The following NUDT14 variants were observed in gnomAD, a reference collection of about 807,000 sequenced individuals.
The protein encoded by NUDT14 is uridine diphosphate glucose pyrophosphatase NUDT14.
NUDT14 carries 22 observed loss-of-function variants against 17.5 expected under a neutral mutation model. That is an observed-to-expected ratio of 1.26 (90% CI 0.90 to 1.80). NUDT14 has a LOEUF of 1.80. Among genes scored for constraint, NUDT14 ranks in the 40% most tolerant of loss-of-function variants. The probability of loss-of-function intolerance (pLI) is 0.00; values close to 1 mark genes in which losing one functional copy is unlikely to be tolerated. For synonymous variants in NUDT14, 129 were observed against 125.8 expected, an observed-to-expected ratio of 1.03 and a Z score of -0.17; for missense variants, 296 against 295.6, an observed-to-expected ratio of 1.00 and a Z score of -0.01.
At position 105,176,957 on chromosome 14, in the gene NUDT14, C is replaced by A; in HGVS notation, c.190+6G>T. 1 of 1,611,438 alleles carries A rather than the reference C, an allele frequency of 6.2e-7. No homozygotes were observed. Among genetic ancestry groups the A allele is most frequent in the Non-Finnish European group, 8.5e-7 (1 of 1,179,410 alleles). ...CAGATCCCCTTCCCACCCCAGCTGGCCTCACCTGGCCGGAACTGCTTCACC... is the reference window on the plus strand; with the variant it reads ...CAGATCCCCTTCCCACCCCAGCTGGACTCACCTGGCCGGAACTGCTTCACC... On this transcript the variant is annotated splice_donor_region_variant and intron_variant, in intron 3 of 4. Coordinates refer to ENST00000392568, the MANE Select transcript of NUDT14 (RefSeq NM_177533.5).
Position 105,173,297 on chromosome 14 carries a change from G to C in NUDT14, c.429-36C>G, listed in dbSNP as rs755100726. The C allele has an allele frequency of 6.8e-7, 1 of 1,460,764 alleles. No homozygotes were observed. Among genetic ancestry groups the C allele is most frequent in the Non-Finnish European group, 9.0e-7 (1 of 1,106,610 alleles). The allele number at this position is 1,460,764 out of a possible 1,614,324, so 90.5% of individuals were successfully genotyped here. On this transcript the variant is annotated intron_variant, in intron 4 of 4. Transcript: ENST00000392568. This position sits in a 1 kb window ranked among gnomAD's most constrained non-coding sequence, Gnocchi z 4.7. ...AGACAGGGTCTGCTGAGTCACCCACGCTGGCCCCGCTGGCCCCCTGGCCCT... is the reference window on the plus strand; with the variant it reads ...AGACAGGGTCTGCTGAGTCACCCACCCTGGCCCCGCTGGCCCCCTGGCCCT...
chr14:105,178,387 C>T (rs1889261926), intron 1 of NUDT14, among the ~76,000 whole-genome samples: 1 of 152,138 alleles, frequency 6.6e-6, no homozygotes, highest in Admixed American at 6.5e-5. Flanking sequence ...GGCCTCGACT[C>T]TCCCACATAC....
chr14:105,181,009 G>C lies in NUDT14; in HGVS notation c.81+120C>G, dbSNP rs908095027. On this transcript the variant is annotated intron_variant, in intron 1 of 4. Coordinates refer to ENST00000392568, the MANE Select transcript of NUDT14 (RefSeq NM_177533.5). The surrounding 1 kb of genome is among the most constrained non-coding windows in gnomAD (Gnocchi z 5.0). ...CGGACAAGCGGCCGCCCGGGAGATCGGCGGGAGGCGGGGGCGGGGCTCCGG... is the reference window on the plus strand; with the variant it reads ...CGGACAAGCGGCCGCCCGGGAGATCCGCGGGAGGCGGGGGCGGGGCTCCGG... 2 of 265,354 alleles carry C rather than the reference G, an allele frequency of 7.5e-6. No individual in the cohort carries two copies. The highest frequency in any genetic ancestry group is 2.3e-5 in the African/African-American group (1 of 43,788). 16.4% of individuals were successfully genotyped at this position (265,354 alleles called of 1,614,324 possible).
At chr14:105,178,697 G>A (rs1176769094) in intron 1 of NUDT14, among the ~76,000 whole-genome samples, 3 of 152,234 alleles carry the variant, frequency 2.0e-5, no homozygotes, top group Non-Finnish European at 4.4e-5. Context: ...GCCCAGGGCT[G>A]TGAAATGGAC....
At chr14:105,178,548 G>T in intron 1 of NUDT14, among the ~76,000 whole-genome samples, 1 of 152,176 alleles carries the variant, frequency 6.6e-6, no homozygotes, top group South Asian at 2.1e-4. Flanking sequence ...GCTGGGGGAG[G>T]CTGGAACTGA....
rs1190769132 is a variant in NUDT14, at chr14:105,176,697, G to C, written c.265C>G (p.Leu89Val). Residue 89 changes from leucine to valine, a missense_variant, in exon 4 of 5, where the codon CTA becomes GTA. Leu to Val is a conservative substitution (Grantham distance 32). Coordinates refer to ENST00000392568, the MANE Select transcript of NUDT14 (RefSeq NM_177533.5). Reference protein sequence around the residue: ...AAVDQDGPRELQPALPGSAGV... With the variant: ...AAVDQDGPREVQPALPGSAGV... ...GCTGAGCCGGGCAGGGCTGGCTGTA[G>C]CTCCCGAGGCCCGTCCTGGTCTACA... 6.2e-7 allele frequency: 1 copy of C among 1,612,782 alleles called. No individual in the cohort carries two copies. Among genetic ancestry groups the C allele is most frequent in the East Asian group, 2.2e-5 (1 of 44,886 alleles).
At position 105,172,995 on chromosome 14, in the gene NUDT14, T is replaced by G; in HGVS notation, c.*26A>C. The G allele has an allele frequency of 6.8e-7, 1 of 1,477,668 alleles. No individual in the cohort carries two copies. Among genetic ancestry groups the G allele is most frequent in the Non-Finnish European group, 9.0e-7 (1 of 1,115,086 alleles). 91.5% of individuals were successfully genotyped at this position (1,477,668 alleles called of 1,614,324 possible). The stretch of plus-strand genomic sequence containing the variant: ...GGGGTGTGGGGTGAGTGGCCAAGAC[T>G]GGCCTCTGTCTAGAACCCTGGAGTC... On this transcript the variant is annotated 3_prime_UTR_variant, in exon 5 of 5. Coordinates refer to ENST00000392568, the MANE Select transcript of NUDT14 (RefSeq NM_177533.5).
intron 4 of NUDT14, chr14:105,176,069 G>C: frequency 8.9e-7 from 1 of 1,123,508 alleles, no homozygotes; most frequent in Non-Finnish European, 1.1e-6. Context: ...CGCGGGGCAA[G>C]AGTTGGTGCC....
In NUDT14 at chr14:105,176,653, C is replaced by T; in HGVS notation, c.309G>A (p.Leu103=). The T allele has an allele frequency of 6.2e-7, 1 of 1,612,814 alleles. No homozygotes were observed. Residue 103 remains leucine (L), a synonymous_variant, in exon 4 of 5, where the codon CTG becomes CTA. Transcript: ENST00000392568. The part of the protein sequence containing the change: ...LPGSAGVTVE[L]CAGLVDQPGL... Reference sequence around the variant, plus strand: ...CAGGCTGGTCCACGAGGCCGGCACACAGCTCAACTGTCACCCCCGCTGAGC... The same window carrying T: ...CAGGCTGGTCCACGAGGCCGGCACATAGCTCAACTGTCACCCCCGCTGAGC...
chr14:105,176,312 C>T (rs979404170), intron 4 of NUDT14: 38 of 595,242 alleles, frequency 6.4e-5, no homozygotes, highest in East Asian at 8.8e-5. Flanking sequence ...AGCTGGGGGC[C>T]GCAGGCTGGG....
At position 105,173,182 on chromosome 14, in the gene NUDT14, C is replaced by G; in HGVS notation, c.508G>C (p.Gly170Arg). 1 of 1,611,046 alleles carries G rather than the reference C, an allele frequency of 6.2e-7. No homozygotes were observed. The highest frequency in any genetic ancestry group is 8.5e-7 in the Non-Finnish European group (1 of 1,179,228). The change falls in exon 5 of 5, where the codon GGG becomes CGG. Residue 170 changes from glycine to arginine, a missense_variant. By Grantham distance (125) the Gly-to-Arg change is moderately radical. Coordinates refer to ENST00000392568, the MANE Select transcript of NUDT14 (RefSeq NM_177533.5). This position sits in a 1 kb window ranked among gnomAD's most constrained non-coding sequence, Gnocchi z 4.7. Reference sequence around the variant, plus strand: ...AGCTCACCCTCCTCCACCAGGCCCCCACCTGGACCGCTACGCTGGGCATCT... The same window carrying G: ...AGCTCACCCTCCTCCACCAGGCCCCGACCTGGACCGCTACGCTGGGCATCT... ...VTDAQRSGPG[G>R]GLVEEGELIE...
chr14:105,172,985 T>G lies in NUDT14; in HGVS notation c.*36A>C. ...TGGGGTCCGCGGGGTGTGGGGTGAG[T>G]GGCCAAGACTGGCCTCTGTCTAGAA... On this transcript the variant is annotated 3_prime_UTR_variant, in exon 5 of 5. Coordinates refer to ENST00000392568, the MANE Select transcript of NUDT14 (RefSeq NM_177533.5). 2.1e-6 allele frequency: 3 copies of G among 1,455,482 alleles called. No homozygotes were observed. The highest frequency in any genetic ancestry group is 2.7e-6 in the Non-Finnish European group (3 of 1,103,132). The allele number at this position is 1,455,482 out of a possible 1,614,324, so 90.2% of individuals were successfully genotyped here. A position where few individuals can be genotyped will look rare whatever the true frequency, so the allele number is the denominator to read the frequency against.
chr14:105,173,449 G>A lies in NUDT14; in HGVS notation c.429-188C>T, dbSNP rs1467509021. Reference sequence around the variant, plus strand: ...CACGCCCGTGGCCCCTCCCGCAGCAGGGCATCCCTTCCCTGATCACGTTGT... The same window carrying A: ...CACGCCCGTGGCCCCTCCCGCAGCAAGGCATCCCTTCCCTGATCACGTTGT... On this transcript the variant is annotated intron_variant, in intron 4 of 4. Coordinates refer to ENST00000392568, the MANE Select transcript of NUDT14 (RefSeq NM_177533.5). The surrounding 1 kb of genome is among the most constrained non-coding windows in gnomAD (Gnocchi z 4.7). The A allele has an allele frequency of 3.9e-6, 2 of 507,574 alleles. No homozygotes were observed. Among genetic ancestry groups the A allele is most frequent in the Non-Finnish European group, 6.4e-6 (2 of 313,260 alleles). The allele number at this position is 507,574 out of a possible 1,614,324, so 31.4% of individuals were successfully genotyped here. A position where few individuals can be genotyped will look rare whatever the true frequency, so the allele number is the denominator to read the frequency against.
rs1179683706 is a variant in NUDT14 at position 105,177,778 on chromosome 14, GGA to G, written c.82-45_82-44del. On this transcript the variant is annotated intron_variant, in intron 1 of 4. Coordinates refer to ENST00000392568, the MANE Select transcript of NUDT14 (RefSeq NM_177533.5). Reference sequence around the variant, plus strand: ...GCGGTTAGAATGTCCCAGGATGGGCGGAGGTGCTCGGGGAACCGAGGAGGCCA... The same window carrying G: ...GCGGTTAGAATGTCCCAGGATGGGCGGGTGCTCGGGGAACCGAGGAGGCCA... The G allele has an allele frequency of 2.5e-6, 4 of 1,594,416 alleles. No homozygotes were observed. In the African/African-American group the frequency reaches 5.4e-5, roughly 21 times the overall value.
chr14:105,175,677 G>C, intron 4 of NUDT14: 6 of 990,078 alleles, frequency 6.1e-6, no homozygotes, highest in Non-Finnish European at 7.2e-6. Context: ...TGGGATTACA[G>C]GCGTGAGCCA....
At position 105,176,455 on chromosome 14, in the gene NUDT14, C is replaced by T. The variant is rs761339247; in HGVS notation, c.428+79G>A. 46 of 1,167,728 alleles carry T rather than the reference C, an allele frequency of 3.9e-5. No individual in the cohort carries two copies. The South Asian group carries it at 5.5e-4, about 14-fold the overall frequency. The allele number at this position is 1,167,728 out of a possible 1,614,324, so 72.3% of individuals were successfully genotyped here. A position where few individuals can be genotyped will look rare whatever the true frequency, so the allele number is the denominator to read the frequency against. ...AACAAGGAGGAATCCATCCTGCTTGCACACTCCCAGGGACGGGGCCCTCAC... is the reference window on the plus strand; with the variant it reads ...AACAAGGAGGAATCCATCCTGCTTGTACACTCCCAGGGACGGGGCCCTCAC... On this transcript the variant is annotated intron_variant, in intron 4 of 4. Transcript: ENST00000392568.
In NUDT14 at chr14:105,176,659, A is replaced by G; in HGVS notation, c.303T>C (p.Val101=). Reference sequence around the variant, plus strand: ...GGTCCACGAGGCCGGCACACAGCTCAACTGTCACCCCCGCTGAGCCGGGCA... The same window carrying G: ...GGTCCACGAGGCCGGCACACAGCTCGACTGTCACCCCCGCTGAGCCGGGCA... ...PALPGSAGVT[V]ELCAGLVDQP... is the part of the protein sequence containing the mutation. The change falls in exon 4 of 5, where the codon GTT becomes GTC. Residue 101 remains valine (V), a synonymous_variant. Coordinates refer to ENST00000392568, the MANE Select transcript of NUDT14 (RefSeq NM_177533.5). The G allele has an allele frequency of 6.2e-7, 1 of 1,612,732 alleles. No homozygotes were observed. Among genetic ancestry groups the G allele is most frequent in the Non-Finnish European group, 8.5e-7 (1 of 1,179,962 alleles).
chr14:105,174,392 G>A (rs1031094248), intron 4 of NUDT14, among the ~76,000 whole-genome samples: 3 of 152,050 alleles, frequency 2.0e-5, no homozygotes, highest in African/African-American at 4.8e-5. Context: ...GCCCTGGCTC[G>A]CCGCAGGAGG....
chr14:105,180,031 T>C (rs1005288858), intron 1 of NUDT14, among the ~76,000 whole-genome samples: 2 of 152,020 alleles, frequency 1.3e-5, no homozygotes, highest in Non-Finnish European at 1.5e-5. Context: ...CTTAATGGCA[T>C]GAAGGAGCTC....
Sources: allele counts gnomAD v4.1 joint callset (sites outside exome capture counted in the v4.1 genomes callset), GRCh38; gene constraint gnomAD v4.1.1; non-coding constraint Gnocchi (gnomAD v3.1); transcripts MANE v1.5; gene names NCBI Gene and HGNC (gene_info 2026-07-23, HGNC 2026-07-21).